Variants in TBX19 observed in about 807,000 individuals in gnomAD.
The protein encoded by TBX19 is T-box transcription factor 19, also known as T-box transcription factor TBX19.
A neutral mutation model predicts 40.9 loss-of-function variants in TBX19; 33 were observed. That is an observed-to-expected ratio of 0.81 (90% confidence interval 0.61 to 1.08). The LOEUF is 1.08. Ranked by LOEUF, TBX19 falls within the 50% of genes least tolerant of loss-of-function variation. The pLI is 0.00. For synonymous variants in TBX19, 220 were observed against 225.0 expected (o/e 0.98, Z 0.20); for missense variants, 494 against 574.0 (o/e 0.86, Z 1.42).
chr1:168,305,127 T>C lies in TBX19; in HGVS notation c.847T>C (p.Ser283Pro). The change falls in exon 6 of 8, where the codon TCG becomes CCG. Residue 283 changes from serine to proline, a missense_variant. Physicochemically the swap from Ser to Pro is moderately conservative, Grantham distance 74. Around this residue, in one of 3 missense-constraint regions of TBX19, gnomAD observed 284 missense variants for 307.3 expected, o/e 0.92. Coordinates refer to ENST00000367821, the MANE Select transcript of TBX19 (RefSeq NM_005149.3). ...PHTHHGCEHYSGLRGHRQAPY... is the reference protein window; with the variant it reads ...PHTHHGCEHYPGLRGHRQAPY... ...CACCCACCATGGCTGTGAGCACTATTCGGGTCTCCGAGGACACCGGCAGGC... is the reference window on the plus strand; with the variant it reads ...CACCCACCATGGCTGTGAGCACTATCCGGGTCTCCGAGGACACCGGCAGGC... 6.2e-7 allele frequency: 1 copy of C among 1,614,072 alleles called. No homozygotes were observed. Among genetic ancestry groups the C allele is most frequent in the East Asian group, 2.2e-5 (1 of 44,882 alleles).
chr1:168,300,336 C>T, intron 4 of TBX19, 86 bp from the exon 5 acceptor site: 3 of 1,223,010 alleles, frequency 2.5e-6, no homozygotes, highest in Middle Eastern at 1.9e-4. Flanking sequence ...AAATTGATTG[C>T]TCTTCAAGGA....
chr1:168,287,732 G>A (rs1318306437), intron 1 of TBX19, among the ~76,000 whole-genome samples: 1 of 152,140 alleles, frequency 6.6e-6, no homozygotes, highest in Non-Finnish European at 1.5e-5. Flanking sequence ...TTCCCACCTA[G>A]AACAGTTCCT....
At chr1:168,282,912 A>G (rs932734735) in intron 1 of TBX19, among the ~76,000 whole-genome samples, 3 of 152,254 alleles carry the variant, frequency 2.0e-5, no homozygotes, top group African/African-American at 4.8e-5. Context: ...AATAAGGAAT[A>G]AATAATAAAA....
At position 168,305,074 on chromosome 1, in the gene TBX19, C is replaced by T. The variant is rs762829960; in HGVS notation, c.794C>T (p.Ala265Val). Reference sequence around the variant, plus strand: ...GCAGGAAACTCCAATTACCAGTATGCCGCTCCTCTGCCTCTGCCTGCTCCC... The same window carrying T: ...GCAGGAAACTCCAATTACCAGTATGTCGCTCCTCTGCCTCTGCCTGCTCCC... Reference protein sequence around the residue: ...CTAGNSNYQYAAPLPLPAPHT... With the variant: ...CTAGNSNYQYVAPLPLPAPHT... The change falls in exon 6 of 8, where the codon GCC becomes GTC. Residue 265 changes from alanine to valine, a missense_variant. Physicochemically the swap from Ala to Val is moderately conservative, Grantham distance 64. Around this residue, in one of 3 missense-constraint regions of TBX19, gnomAD observed 284 missense variants for 307.3 expected, o/e 0.92. Transcript: ENST00000367821. 15 of 1,614,148 alleles carry T rather than the reference C, an allele frequency of 9.3e-6. No individual in the cohort carries two copies. The highest frequency in any genetic ancestry group is 4.4e-5 in the South Asian group (4 of 91,082).
chr1:168,299,167 G>A (rs964687469), intron 4 of TBX19, among the ~76,000 whole-genome samples: 37 of 151,686 alleles, frequency 2.4e-4, no homozygotes, highest in African/African-American at 8.7e-4. Flanking sequence ...TCATCCACTC[G>A]CCTCGGCCTC....
At chr1:168,295,624 C>T (rs1640185064) in intron 3 of TBX19, among the ~76,000 whole-genome samples, 1 of 152,194 alleles carries the variant, frequency 6.6e-6, no homozygotes, top group African/African-American at 2.4e-5. Context: ...TGTAAACAGT[C>T]CCTCAGCTGG....
chr1:168,312,994 G>A lies in TBX19; in HGVS notation c.1339G>A (p.Asp447Asn). Residue 447 changes from aspartate (D) to asparagine (N), a missense_variant, in exon 8 of 8, where the codon GAT (aspartate) becomes AAT (asparagine). Transcript: ENST00000367821. ...AGGHHSPSSL[D>N]G The stretch of plus-strand genomic sequence containing the variant: ...TGGGCACCATTCTCCTTCCTCACTG[G>A]ATGGTTAAGCAGGATCCTAGGAGCC... 6.2e-7 allele frequency: 1 copy of A among 1,614,188 alleles called. No homozygotes were observed. Among genetic ancestry groups the A allele is most frequent in the Non-Finnish European group, 8.5e-7 (1 of 1,180,032 alleles).
intron 6 of TBX19, among the ~76,000 whole-genome samples, chr1:168,307,837 C>T (rs1649439094): frequency 6.6e-6 from 1 of 152,056 alleles, no homozygotes; most frequent in Non-Finnish European, 1.5e-5. Context: ...TTAACATGTC[C>T]ATCTCCTCAC....
At chr1:168,294,224 A>G (rs1190010383) in intron 3 of TBX19, among the ~76,000 whole-genome samples, 1 of 152,192 alleles carries the variant, frequency 6.6e-6, no homozygotes, top group Non-Finnish European at 1.5e-5. Context: ...ATGTAATTAT[A>G]CCTAGGTATA....
chr1:168,282,084 T>C (rs1206365174), intron 1 of TBX19, among the ~76,000 whole-genome samples: 1 of 152,196 alleles, frequency 6.6e-6, no homozygotes, highest in Non-Finnish European at 1.5e-5. Context: ...CGCTCGCAGC[T>C]TGGCCAAACT....
chr1:168,282,747 T>C (rs1029245840), intron 1 of TBX19, among the ~76,000 whole-genome samples: 4 of 152,200 alleles, frequency 2.6e-5, no homozygotes, highest in African/African-American at 9.7e-5. Context: ...TTATATCTGA[T>C]TATAGGTAGA....
At chr1:168,308,638 G>A in intron 6 of TBX19, 104 bp from the exon 7 acceptor site, 1 of 1,404,020 alleles carries the variant, frequency 7.1e-7, no homozygotes, top group Non-Finnish European at 1.0e-6. Flanking sequence ...GTTGGTGCCT[G>A]TAGTGCAAGC....
At chr1:168,296,164 G>T (rs1208874338) in intron 3 of TBX19, among the ~76,000 whole-genome samples, 2 of 152,124 alleles carry the variant, frequency 1.3e-5, no homozygotes, top group East Asian at 3.9e-4. Flanking sequence ...TGCACCCCCT[G>T]CTAGCTTCTT....
In TBX19 at chr1:168,313,015, G is replaced by A; in HGVS notation, c.*13G>A. On this transcript the variant is annotated 3_prime_UTR_variant, in exon 8 of 8. Coordinates refer to ENST00000367821, the MANE Select transcript of TBX19 (RefSeq NM_005149.3). ...ACTGGATGGTTAAGCAGGATCCTAG[G>A]AGCCTCTTTGCACAGCGATCCTTCC... 1 of 1,613,968 alleles carries A rather than the reference G, an allele frequency of 6.2e-7. No individual in the cohort carries two copies. The highest frequency in any genetic ancestry group is 8.5e-7 in the Non-Finnish European group (1 of 1,179,962).
intron 5 of TBX19, among the ~76,000 whole-genome samples, chr1:168,302,929 A>C (rs1014179255): frequency 2.0e-5 from 3 of 152,234 alleles, no homozygotes; most frequent in African/African-American, 4.8e-5. Context: ...CATGAGTTAC[A>C]TATACGTGTA....
At chr1:168,296,141 C>T (rs1354211094) in intron 3 of TBX19, among the ~76,000 whole-genome samples, 4 of 152,092 alleles carry the variant, frequency 2.6e-5, no homozygotes, top group Admixed American at 2.6e-4. Flanking sequence ...GTGAAGGAGG[C>T]CAGTGTTTCC....
intron 1 of TBX19, among the ~76,000 whole-genome samples, chr1:168,286,725 T>A (rs1339248512): frequency 6.6e-6 from 1 of 152,234 alleles, no homozygotes; most frequent in African/African-American, 2.4e-5. Context: ...ATGTTTTCAT[T>A]TTTCTTGTGT....
chr1:168,304,920 T>C (rs565744538), intron 5 of TBX19, 88 bp from the exon 6 acceptor site: 1 of 1,320,490 alleles, frequency 7.6e-7, no homozygotes, highest in Admixed American at 1.7e-5. Context: ...TTTACAAGAA[T>C]TGTAGCTGTG....
intron 5 of TBX19, 68 bp from the exon 6 acceptor site, chr1:168,304,940 T>TG: frequency 6.7e-7 from 1 of 1,485,312 alleles, no homozygotes; most frequent in South Asian, 1.1e-5. Flanking sequence ...GTAAAGTAGC[T>TG]GGTCACCTGA....
Sources: allele counts gnomAD v4.1 joint callset (sites outside exome capture counted in the v4.1 genomes callset), GRCh38; gene constraint gnomAD v4.1.1; regional missense constraint gnomAD v4.1.1; transcripts MANE v1.5; gene names NCBI Gene and HGNC (gene_info 2026-07-23, HGNC 2026-07-21).